Variants in SCML2 observed in about 807,000 individuals in gnomAD.
SCML2 encodes sex comb on midleg-like protein 2.
Under a neutral mutation model 48.4 loss-of-function variants are expected in SCML2, and 6 were observed. The ratio of observed to expected loss-of-function variants is 0.12; its 90% CI spans 0.07 to 0.24. The LOEUF is 0.24. Ranked by LOEUF, SCML2 falls within the 10% of genes least tolerant of loss-of-function variation. The pLI is 1.00. For missense variants in SCML2, 377 were observed against 528.2 expected (o/e 0.71, Z 2.81); for synonymous variants, 181 against 189.5 (o/e 0.95, Z 0.37).
At position 18,240,268 on chromosome X, in the gene SCML2, G is replaced by C. The variant is rs2147454753; in HGVS notation, c.*983C>G. On this transcript the variant is annotated 3_prime_UTR_variant, in exon 15 of 15. Coordinates refer to ENST00000251900, the MANE Select transcript of SCML2 (RefSeq NM_006089.3). Reference sequence around the variant, plus strand: ...ACCTCTGTGGCAGTGCAAAGTGCCAGATTAAATTCAAGAAAAAAAAGATTT... The same window carrying C: ...ACCTCTGTGGCAGTGCAAAGTGCCACATTAAATTCAAGAAAAAAAAGATTT... 1 of 111,621 alleles carries C rather than the reference G, an allele frequency of 9.0e-6. No individual in the cohort carries two copies. The highest frequency in any genetic ancestry group is 9.6e-5 in the Admixed American group (1 of 10,441). 9.2% of individuals were successfully genotyped at this position (111,621 alleles called of 1,213,427 possible). A position where few individuals can be genotyped will look rare whatever the true frequency, so the allele number is the denominator to read the frequency against.
chrX:18,255,306 G>A (rs972109312), intron 11 of SCML2, among the ~76,000 whole-genome samples: 2 of 112,012 alleles, frequency 1.8e-5, no homozygotes, highest in Non-Finnish European at 3.8e-5. Flanking sequence ...GAACTAGAGA[G>A]GCTCAGTACT....
intron 6 of SCML2, among the ~76,000 whole-genome samples, chrX:18,316,486 A>C (rs1025084802): frequency 8.9e-6 from 1 of 112,438 alleles, no homozygotes; most frequent in Non-Finnish European, 1.9e-5. Context: ...TTTCACTAGT[A>C]ATCAGTGCAA....
At chrX:18,294,876 A>C (rs1187019348) in intron 7 of SCML2, among the ~76,000 whole-genome samples, 1 of 111,194 alleles carries the variant, frequency 9.0e-6, no homozygotes, top group Non-Finnish European at 1.9e-5. Context: ...TACTGACAGC[A>C]ACCTTAATCC....
intron 7 of SCML2, among the ~76,000 whole-genome samples, chrX:18,302,883 G>A (rs1296683465): frequency 1.8e-5 from 2 of 112,201 alleles, no homozygotes; most frequent in Admixed American, 1.9e-4. Context: ...TTAGGATTGA[G>A]TTCAGCTAGC....
intron 3 of SCML2, among the ~76,000 whole-genome samples, chrX:18,328,530 G>A (rs1451679031): frequency 1.8e-5 from 2 of 111,036 alleles, no homozygotes; most frequent in Non-Finnish European, 3.8e-5. Flanking sequence ...AAAATTGCCA[G>A]GCATGGTAGT....
intron 7 of SCML2, among the ~76,000 whole-genome samples, chrX:18,285,413 G>C (rs1046297893): frequency 2.8e-5 from 3 of 108,797 alleles, no homozygotes; most frequent in Non-Finnish European, 5.7e-5. Flanking sequence ...CAACATAGAT[G>C]GAGCTGGAGG....
intron 7 of SCML2, among the ~76,000 whole-genome samples, chrX:18,295,327 C>A (rs1301060419): frequency 9.0e-6 from 1 of 110,828 alleles, no homozygotes; most frequent in Non-Finnish European, 1.9e-5. Context: ...CCAAGTATAC[C>A]TCCCGGGAGC....
intron 7 of SCML2, among the ~76,000 whole-genome samples, chrX:18,294,889 C>T (rs1928343529): frequency 9.0e-6 from 1 of 111,298 alleles, no homozygotes; most frequent in Non-Finnish European, 1.9e-5. Context: ...CTTAATCCCT[C>T]CACAGTAGCA....
chrX:18,305,452 C>T (rs1165270061), intron 6 of SCML2, among the ~76,000 whole-genome samples: 1 of 111,445 alleles, frequency 9.0e-6, no homozygotes, highest in Non-Finnish European at 1.9e-5. Context: ...ACAAAACCAG[C>T]CGGGTTCATT....
chrX:18,334,986 T>C (rs1411880913), intron 1 of SCML2, among the ~76,000 whole-genome samples: 1 of 109,494 alleles, frequency 9.1e-6, no homozygotes, highest in Non-Finnish European at 1.9e-5. Context: ...CCAAGGCGGG[T>C]GGATTTCTTG....
intron 6 of SCML2, among the ~76,000 whole-genome samples, chrX:18,311,009 A>G (rs890769396): frequency 2.7e-5 from 3 of 111,905 alleles, no homozygotes; most frequent in African/African-American, 9.7e-5. Context: ...ATAAAACATA[A>G]GATACACTTT....
chrX:18,335,277 G>A (rs1929776031), intron 1 of SCML2, among the ~76,000 whole-genome samples: 1 of 111,483 alleles, frequency 9.0e-6, no homozygotes, highest in Non-Finnish European at 1.9e-5. Flanking sequence ...GCCGAGGTGG[G>A]TGGATCACTT....
At position 18,330,542 on chromosome X, in the gene SCML2, A is replaced by G. The variant is rs763186348; in HGVS notation, c.91+45T>C. ...TGCACTTAAAGTTAATTTTAACACT[A>G]GTGAGGAAGAAAACTATGCTGTATT... is the stretch of plus-strand genomic sequence containing the variant. On this transcript the variant is annotated intron_variant, in intron 3 of 14. Coordinates refer to ENST00000251900, the MANE Select transcript of SCML2 (RefSeq NM_006089.3). 3 of 779,513 alleles carry G rather than the reference A, an allele frequency of 3.8e-6. No homozygotes were observed. The Admixed American group carries it at 9.9e-5, about 26-fold the overall frequency. 64.2% of individuals were successfully genotyped at this position (779,513 alleles called of 1,213,427 possible).
chrX:18,328,920 T>A (rs983808982), intron 3 of SCML2, among the ~76,000 whole-genome samples: 6 of 111,866 alleles, frequency 5.4e-5, no homozygotes, highest in African/African-American at 1.9e-4. Flanking sequence ...AAGTAATCTA[T>A]TTTTTTAATT....
intron 1 of SCML2, among the ~76,000 whole-genome samples, chrX:18,337,732 A>T (rs1202103085): frequency 8.9e-6 from 1 of 111,962 alleles, no homozygotes. Flanking sequence ...ATCGGCGAGG[A>T]CATAGTTGAA....
chrX:18,303,625 G>T (rs1928663702), intron 7 of SCML2, among the ~76,000 whole-genome samples: 1 of 107,956 alleles, frequency 9.3e-6, no homozygotes, highest in South Asian at 4.0e-4. Context: ...ATGCCTCCAT[G>T]CATCCCTCTT....
intron 9 of SCML2, among the ~76,000 whole-genome samples, chrX:18,258,975 T>C (rs2037394962): frequency 9.0e-6 from 1 of 111,101 alleles, no homozygotes; most frequent in Non-Finnish European, 1.9e-5. Flanking sequence ...TATAAAAACA[T>C]GAGGGAAGCT....
intron 11 of SCML2, among the ~76,000 whole-genome samples, chrX:18,254,946 T>C (rs766135607): frequency 5.4e-5 from 6 of 110,318 alleles, no homozygotes; most frequent in Admixed American, 4.8e-4. Context: ...AATCAGGAAA[T>C]TGTACTCTCA....
At chrX:18,263,114 T>C (rs1486848809) in intron 8 of SCML2, among the ~76,000 whole-genome samples, 1 of 109,313 alleles carries the variant, frequency 9.1e-6, no homozygotes, top group African/African-American at 3.4e-5. Flanking sequence ...TTTAATTTTC[T>C]ATTGGCTTTT....
Sources: gnomAD v4.1 joint callset for allele counts (sites outside exome capture counted in the v4.1 genomes callset) on GRCh38, gnomAD v4.1.1 for gene constraint, MANE v1.5 for transcripts, NCBI Gene and HGNC (gene_info 2026-07-23, HGNC 2026-07-21) for gene names.